MBD5: variants seen among roughly 807,000 people sequenced by gnomAD.
The protein encoded by MBD5 is methyl-CpG-binding domain protein 5.
MBD5 carries 13 observed loss-of-function variants against 117.3 expected under a neutral mutation model. The observed-to-expected ratio is 0.11, with a 90% CI of 0.07 to 0.18. The LOEUF is 0.18. MBD5 is among the 10% of genes least tolerant of loss of function. The pLI is 1.00. For synonymous variants in MBD5, 727 were observed against 766.4 expected, an observed-to-expected ratio of 0.95 and a Z score of 0.85; for missense variants, 1,879 against 2,093.8, an observed-to-expected ratio of 0.90 and a Z score of 2.00.
intron 4 of MBD5, among the ~76,000 whole-genome samples, chr2:148,440,157 G>C (rs1706275955): frequency 6.6e-6 from 1 of 152,080 alleles, no homozygotes; most frequent in African/African-American, 2.4e-5. Flanking sequence ...TTCAACAATG[G>C]AGACTACTGA....
chr2:148,175,838 T>C (rs1698372480), intron 1 of MBD5, among the ~76,000 whole-genome samples: 1 of 152,208 alleles, frequency 6.6e-6, no homozygotes, highest in African/African-American at 2.4e-5. Flanking sequence ...CTTCTTAGGA[T>C]TGTTGTGAGA....
chr2:148,220,069 C>T (rs1470238708), intron 2 of MBD5: 1 of 152,086 alleles, frequency 6.6e-6, no homozygotes, highest in Non-Finnish European at 1.5e-5. Flanking sequence ...GGAAGGAAAC[C>T]AACCTAGATC....
At chr2:148,345,188 G>T (rs72857677) in intron 4 of MBD5, among the ~76,000 whole-genome samples, 9,247 of 150,746 alleles carry the variant, frequency 0.061, 504 homozygotes, top group Non-Finnish European at 0.082. Context: ...ATATGTGTGT[G>T]TGTGTGTATA....
intron 3 of MBD5, among the ~76,000 whole-genome samples, chr2:148,342,009 TA>T (rs990752234): frequency 2.0e-5 from 3 of 152,040 alleles, no homozygotes; most frequent in Non-Finnish European, 4.4e-5. Context: ...CATATGAAAA[TA>T]AAGTATAGAA....
chr2:148,116,409 A>G (rs1014805964), intron 1 of MBD5, among the ~76,000 whole-genome samples: 7 of 152,282 alleles, frequency 4.6e-5, no homozygotes, highest in Middle Eastern at 3.4e-3. Context: ...GAATCTTACT[A>G]TTGCTTTCTG....
At chr2:148,306,515 C>T (rs1307950868) in intron 3 of MBD5, among the ~76,000 whole-genome samples, 2 of 151,938 alleles carry the variant, frequency 1.3e-5, no homozygotes, top group African/African-American at 4.8e-5. Context: ...TAATAGTATC[C>T]ATATTTTGGA....
intron 3 of MBD5, among the ~76,000 whole-genome samples, chr2:148,305,471 C>T (rs1489841831): frequency 6.6e-6 from 1 of 152,148 alleles, no homozygotes; most frequent in Admixed American, 6.5e-5. Context: ...GTCCAGAGGG[C>T]AGCCAGTCAA....
At chr2:148,462,518 CT>C (rs1707121490) in intron 5 of MBD5, 63 bp from the exon 6 acceptor site, 6 of 1,083,858 alleles carry the variant, frequency 5.5e-6, no homozygotes, top group Admixed American at 3.4e-5. Context: ...TAAATTATGC[CT>C]TTTTTCATAT....
At chr2:148,408,808 A>G (rs935467080) in intron 4 of MBD5, among the ~76,000 whole-genome samples, 2 of 151,894 alleles carry the variant, frequency 1.3e-5, no homozygotes, top group African/African-American at 4.9e-5. Context: ...TTACATATGT[A>G]CTGAACATGT....
At chr2:148,429,392 G>C (rs1165762169) in intron 4 of MBD5, among the ~76,000 whole-genome samples, 1 of 151,830 alleles carries the variant, frequency 6.6e-6, no homozygotes, top group African/African-American at 2.4e-5. Flanking sequence ...CTTTTATACT[G>C]TTGGTGGAGT....
intron 1 of MBD5, among the ~76,000 whole-genome samples, chr2:148,122,952 A>G (rs543017804): frequency 5.3e-5 from 8 of 152,322 alleles, no homozygotes; most frequent in Admixed American, 5.2e-4. Flanking sequence ...TATGAGGCCA[A>G]ATGACTTAGC....
intron 3 of MBD5, among the ~76,000 whole-genome samples, chr2:148,334,798 G>A (rs1319900864): frequency 6.6e-6 from 1 of 151,990 alleles, no homozygotes; most frequent in Non-Finnish European, 1.5e-5. Flanking sequence ...ACATTTGTTG[G>A]ATTTGAGGCA....
At chr2:148,413,479 G>A (rs889217026) in intron 4 of MBD5, among the ~76,000 whole-genome samples, 4 of 149,402 alleles carry the variant, frequency 2.7e-5, no homozygotes, top group Admixed American at 1.3e-4. Flanking sequence ...GCTTCATAGA[G>A]TGAATTAGGG....
chr2:148,042,556 C>T (rs560477511), intron 1 of MBD5, among the ~76,000 whole-genome samples: 8 of 151,610 alleles, frequency 5.3e-5, no homozygotes, highest in South Asian at 4.2e-4. Context: ...AGCCTCAGTA[C>T]GTTACTCTAA....
chr2:148,063,374 GA>G (rs1695092619), intron 1 of MBD5, among the ~76,000 whole-genome samples: 1 of 152,134 alleles, frequency 6.6e-6, no homozygotes, highest in African/African-American at 2.4e-5. Context: ...AGAAGTTGGG[GA>G]TCGTTAGGGT....
intron 3 of MBD5, among the ~76,000 whole-genome samples, chr2:148,298,180 G>T (rs189230167): frequency 1.3e-5 from 2 of 152,306 alleles, no homozygotes; most frequent in African/African-American, 2.4e-5. Flanking sequence ...TGCTCTACAG[G>T]TAAGGTCTTG....
At chr2:148,442,486 A>G (rs1706357686) in intron 4 of MBD5, among the ~76,000 whole-genome samples, 1 of 151,316 alleles carries the variant, frequency 6.6e-6, no homozygotes. Flanking sequence ...CAATAATAAG[A>G]TAAATTGTAA....
chr2:148,357,375 G>A (rs1245363955), intron 4 of MBD5, among the ~76,000 whole-genome samples: 1 of 151,988 alleles, frequency 6.6e-6, no homozygotes, highest in Admixed American at 6.6e-5. Flanking sequence ...CTCTGAATTT[G>A]GAAGGTGATG....
At chr2:148,281,210 GT>G (rs1490800213) in intron 3 of MBD5, among the ~76,000 whole-genome samples, 1 of 152,010 alleles carries the variant, frequency 6.6e-6, no homozygotes, top group Non-Finnish European at 1.5e-5. Flanking sequence ...TCTAAAATTT[GT>G]TCTATGTTAA....
Sources: gnomAD v4.1 joint callset for allele counts (sites outside exome capture counted in the v4.1 genomes callset) on GRCh38, gnomAD v4.1.1 for gene constraint, MANE v1.5 for transcripts, NCBI Gene and HGNC (gene_info 2026-07-23, HGNC 2026-07-21) for gene names.